The following KIRREL3 variants were observed in gnomAD, a reference collection of about 807,000 sequenced individuals.
The protein encoded by KIRREL3 is kin of IRRE-like protein 3.
In KIRREL3, 36 loss-of-function variants were observed where a neutral mutation model predicts 89.7. That is an observed-to-expected ratio of 0.40 (90% CI 0.31 to 0.53). KIRREL3 has a LOEUF of 0.53. KIRREL3 is among the 20% of genes least tolerant of loss of function. The probability of loss-of-function intolerance (pLI) is 0.49; values close to 1 mark genes in which losing one functional copy is unlikely to be tolerated. For synonymous variants in KIRREL3, 445 were observed against 441.4 expected, an observed-to-expected ratio of 1.01 and a Z score of -0.10; for missense variants, 864 against 1,056.6, an observed-to-expected ratio of 0.82 and a Z score of 2.53.
At chr11:126,947,263 TTTC>T (rs1948646282) in intron 1 of KIRREL3, among the ~76,000 whole-genome samples, 1 of 152,186 alleles carries the variant, frequency 6.6e-6, no homozygotes, top group African/African-American at 2.4e-5. Context: ...CTACTGCTAT[TTTC>T]TTCTTGTCTT....
chr11:126,677,224 G>T lies in KIRREL3; in HGVS notation c.56-114312C>A, dbSNP rs1325816404. 1.3e-5 allele frequency among the ~76,000 whole-genome samples: 2 copies of T among 152,014 alleles called. No individual in the cohort carries two copies. Among genetic ancestry groups the T allele is most frequent in the African/African-American group, 2.4e-5 (1 of 41,406 alleles). On this transcript the variant is annotated intron_variant, in intron 1 of 16. Transcript: ENST00000525144. This position sits in a 1 kb window ranked among gnomAD's most constrained non-coding sequence, Gnocchi z 5.1. ...CCTGTACATTTTAGCTATCCCCTTA[G>T]CCTCAGCCTCTCCCTCCCCATCACC... is the stretch of plus-strand genomic sequence containing the variant.
At chr11:126,509,008 C>T (rs1285543716) in intron 4 of KIRREL3, among the ~76,000 whole-genome samples, 1 of 152,196 alleles carries the variant, frequency 6.6e-6, no homozygotes, top group Non-Finnish European at 1.5e-5. Context: ...GGGGCACATG[C>T]AGGGTGCAGC....
At chr11:126,547,702 G>A (rs936579844) in intron 2 of KIRREL3, among the ~76,000 whole-genome samples, 1 of 152,192 alleles carries the variant, frequency 6.6e-6, no homozygotes, top group African/African-American at 2.4e-5. Context: ...TGGCGGAGTG[G>A]GGGGTCTGTG....
At chr11:126,539,666 C>G (rs636017) in intron 2 of KIRREL3, among the ~76,000 whole-genome samples, 68,067 of 151,956 alleles carry the variant, frequency 0.45, 16,007 homozygotes, top group East Asian at 0.85. Flanking sequence ...AGGAGAAGCG[C>G]GCTTGAGGTG....
chr11:126,584,560 A>T lies in KIRREL3; in HGVS notation c.56-21648T>A, dbSNP rs899175555. On this transcript the variant is annotated intron_variant, in intron 1 of 16. Transcript: ENST00000525144. Reference sequence around the variant, plus strand: ...CGAGCCTGGCTGCAAAGGCAGGCAGAGGGGAGCAAAGGTGGTCTTTCTCAA... The same window carrying T: ...CGAGCCTGGCTGCAAAGGCAGGCAGTGGGGAGCAAAGGTGGTCTTTCTCAA... 2.0e-5 allele frequency among the ~76,000 whole-genome samples: 3 copies of T among 152,240 alleles called. No individual in the cohort carries two copies. In the East Asian group the frequency reaches 5.8e-4, roughly 29 times the overall value.
chr11:126,919,350 C>A (rs544364665), intron 1 of KIRREL3, among the ~76,000 whole-genome samples: 1 of 152,150 alleles, frequency 6.6e-6, no homozygotes, highest in Admixed American at 6.5e-5. Flanking sequence ...TCTGTAGTTC[C>A]AGTTGAGTAA....
chr11:126,662,912 T>TC (rs1431460139), intron 1 of KIRREL3, among the ~76,000 whole-genome samples: 1 of 146,652 alleles, frequency 6.8e-6, no homozygotes, highest in Non-Finnish European at 1.5e-5. Flanking sequence ...CTTTCTTTTT[T>TC]TTTTTTTTTT....
In KIRREL3 at chr11:126,526,617, A is replaced by G; in HGVS notation, c.204T>C (p.Leu68=). ...VVVSGQPVTL[L]CAIPEYDGFV... ...AGCCATCGTATTCGGGGATGGCGCA[A>G]AGTAGCGTCACTGGCTGTCCCGACA... Residue 68 remains leucine (L), a synonymous_variant, in exon 3 of 17, where the codon CTT becomes CTC. Transcript: ENST00000525144. This position sits in a 1 kb window ranked among gnomAD's most constrained non-coding sequence, Gnocchi z 5.7. The G allele has an allele frequency of 3.7e-6, 6 of 1,603,958 alleles. No individual in the cohort carries two copies. The highest frequency in any genetic ancestry group is 4.3e-6 in the Non-Finnish European group (5 of 1,175,452).
In KIRREL3 at chr11:126,526,530, G is replaced by A. The variant is rs1406874856; in HGVS notation, c.283+8C>T. ...CAGGCCCACCCCAGGAGGTCTGGAG[G>A]TACTCACTTGAGAGGTCCCTGCCCA... is the stretch of plus-strand genomic sequence containing the variant. On this transcript the variant is annotated splice_region_variant and intron_variant, in intron 3 of 16. Coordinates refer to ENST00000525144, the MANE Select transcript of KIRREL3 (RefSeq NM_032531.4). This position sits in a 1 kb window ranked among gnomAD's most constrained non-coding sequence, Gnocchi z 5.7. The A allele has an allele frequency of 1.9e-6, 3 of 1,610,294 alleles. No individual in the cohort carries two copies. The highest frequency in any genetic ancestry group is 2.7e-5 in the African/African-American group (2 of 74,988).
At position 126,639,010 on chromosome 11, in the gene KIRREL3, A is replaced by C. The variant is rs376858648; in HGVS notation, c.56-76098T>G. Among the ~76,000 whole-genome samples the C allele has an allele frequency of 7.9e-5, 12 of 152,204 alleles. No individual in the cohort carries two copies. The highest frequency in any genetic ancestry group is 2.7e-4 in the African/African-American group (11 of 41,448). ...TGATTTTTTTTTAATTGAATGAATTAAGATTCACAAGTAATTTGAAAGGCA... is the reference window on the plus strand; with the variant it reads ...TGATTTTTTTTTAATTGAATGAATTCAGATTCACAAGTAATTTGAAAGGCA... On this transcript the variant is annotated intron_variant, in intron 1 of 16. Coordinates refer to ENST00000525144, the MANE Select transcript of KIRREL3 (RefSeq NM_032531.4). This position sits in a 1 kb window ranked among gnomAD's most constrained non-coding sequence, Gnocchi z 4.3.
Position 126,956,204 on chromosome 11 carries a change from G to A in KIRREL3, c.55+44251C>T, listed in dbSNP as rs554489461. Among the ~76,000 whole-genome samples, 6 of 152,284 alleles carry A rather than the reference G, an allele frequency of 3.9e-5. No homozygotes were observed. In the South Asian group the frequency reaches 6.2e-4, roughly 16 times the overall value. ...ACTCAACCAATGAGCACTTGCTGAA[G>A]GCCAGGCATCGAGCCGTGCATGGGA... is the stretch of plus-strand genomic sequence containing the variant. On this transcript the variant is annotated intron_variant, in intron 1 of 16. Coordinates refer to ENST00000525144, the MANE Select transcript of KIRREL3 (RefSeq NM_032531.4).
chr11:126,467,320 C>T (rs915401018), intron 5 of KIRREL3, among the ~76,000 whole-genome samples: 2 of 152,188 alleles, frequency 1.3e-5, no homozygotes, highest in Non-Finnish European at 2.9e-5. Flanking sequence ...CCTGGGAGGC[C>T]GGTCTTCCCA....
At chr11:126,824,427 AG>A (rs1943333839) in intron 1 of KIRREL3, among the ~76,000 whole-genome samples, 1 of 152,226 alleles carries the variant, frequency 6.6e-6, no homozygotes, top group Admixed American at 6.5e-5. Flanking sequence ...GCTCAAGTTC[AG>A]GGAGGGTAAA....
rs762956982 is a variant in KIRREL3, at chr11:126,747,343, G to A, written c.56-184431C>T. 9.2e-5 allele frequency among the ~76,000 whole-genome samples: 14 copies of A among 152,198 alleles called. No homozygotes were observed. Among genetic ancestry groups the A allele is most frequent in the African/African-American group, 3.1e-4 (13 of 41,448 alleles). On this transcript the variant is annotated intron_variant, in intron 1 of 16. Transcript: ENST00000525144. The surrounding 1 kb of genome is among the most constrained non-coding windows in gnomAD (Gnocchi z 4.7). The stretch of plus-strand genomic sequence containing the variant: ...TAGAGCTCTTTGCTCATTATCTAGC[G>A]TAGCGTAAGTCCTCCATACTGAAAG...
intron 1 of KIRREL3, among the ~76,000 whole-genome samples, chr11:126,899,584 A>G (rs1459425719): frequency 6.6e-6 from 1 of 152,212 alleles, no homozygotes; most frequent in Non-Finnish European, 1.5e-5. Context: ...AATCTGGATC[A>G]CCACTCAACC....
intron 4 of KIRREL3, among the ~76,000 whole-genome samples, chr11:126,506,837 C>A (rs1325288228): frequency 2.0e-5 from 3 of 151,298 alleles, no homozygotes; most frequent in African/African-American, 7.3e-5. Context: ...GTTGGCCAAA[C>A]TGGTCTTGAA....
intron 1 of KIRREL3, among the ~76,000 whole-genome samples, chr11:126,758,103 C>T (rs572040936): frequency 1.3e-5 from 2 of 152,320 alleles, no homozygotes; most frequent in African/African-American, 2.4e-5. Flanking sequence ...CCTGCTGTGA[C>T]GTTACTTAGT....
intron 7 of KIRREL3, among the ~76,000 whole-genome samples, chr11:126,451,104 CATGTGTGCATGTGT>C (rs1391427770): frequency 2.3e-5 from 2 of 85,962 alleles, no homozygotes; most frequent in African/African-American, 5.2e-5. Flanking sequence ...TGTCCATGTG[CATGTGTGCATGTGT>C]GTGTGTGCAT....
At chr11:126,499,690 G>T (rs900792802) in intron 4 of KIRREL3, among the ~76,000 whole-genome samples, 5 of 152,216 alleles carry the variant, frequency 3.3e-5, no homozygotes, top group African/African-American at 1.2e-4. Context: ...TGATTTTGTT[G>T]CTATGATTAC....
Sources: allele counts gnomAD v4.1 joint callset (sites outside exome capture counted in the v4.1 genomes callset), GRCh38; gene constraint gnomAD v4.1.1; non-coding constraint Gnocchi (gnomAD v3.1); transcripts MANE v1.5; gene names NCBI Gene and HGNC (gene_info 2026-07-23, HGNC 2026-07-21).